NTM: variants seen among roughly 807,000 people sequenced by gnomAD.
NTM encodes IgLON family member 2.
NTM carries 13 observed loss-of-function variants against 42.1 expected under a neutral mutation model. That is an observed-to-expected ratio of 0.31 (90% CI 0.20 to 0.49). NTM has a LOEUF of 0.49. NTM is among the 20% of genes least tolerant of loss of function. The pLI is 0.99. For synonymous variants in NTM, 187 were observed against 179.2 expected (o/e 1.04, Z -0.35); for missense variants, 373 against 452.8 (o/e 0.82, Z 1.60).
intron 2 of NTM, among the ~76,000 whole-genome samples, chr11:132,010,090 T>G (rs2071776091): frequency 6.6e-6 from 1 of 152,222 alleles, no homozygotes; most frequent in African/African-American, 2.4e-5. Context: ...TTTTGGAATT[T>G]TTAGAAAATC....
At chr11:131,621,408 G>C (rs1051953347) in intron 1 of NTM, among the ~76,000 whole-genome samples, 2 of 152,090 alleles carry the variant, frequency 1.3e-5, no homozygotes. Flanking sequence ...AGAAAGCTTT[G>C]TCTGTATGCT....
intron 2 of NTM, among the ~76,000 whole-genome samples, chr11:132,089,582 A>G (rs2060149155): frequency 6.6e-6 from 1 of 152,364 alleles, no homozygotes. Context: ...GAATTTTTTC[A>G]TAACAAATTG....
chr11:131,439,414 G>C (rs73586786), intron 1 of NTM, among the ~76,000 whole-genome samples: 12,241 of 152,246 alleles, frequency 0.08, 1,874 homozygotes, highest in East Asian at 0.67. Context: ...ACCCACAAAG[G>C]TAGAGACTAC....
intron 2 of NTM, among the ~76,000 whole-genome samples, chr11:131,918,705 A>T (rs191442549): frequency 3.9e-5 from 6 of 152,158 alleles, no homozygotes; most frequent in Non-Finnish European, 1.5e-5. Context: ...AGACCCAGTG[A>T]GTTTGGTTGT....
At chr11:131,626,718 C>A (rs776113734) in intron 1 of NTM, among the ~76,000 whole-genome samples, 2 of 152,218 alleles carry the variant, frequency 1.3e-5, no homozygotes, top group Non-Finnish European at 2.9e-5. Flanking sequence ...GGCTCCTAGA[C>A]GATCTCTACT....
intron 8 of NTM, chr11:132,332,909 C>T (rs1017690968): frequency 6.6e-6 from 1 of 152,280 alleles, no homozygotes; most frequent in East Asian, 1.9e-4. Flanking sequence ...ACTTGTTTTC[C>T]ATCTCTTACC....
intron 1 of NTM, among the ~76,000 whole-genome samples, chr11:131,689,664 G>A (rs184598863): frequency 1.9e-4 from 29 of 152,290 alleles, no homozygotes; most frequent in African/African-American, 6.0e-4. Flanking sequence ...CTGAGAGGAC[G>A]GAAAACGGAA....
At chr11:132,198,717 A>G (rs1317682916) in intron 3 of NTM, among the ~76,000 whole-genome samples, 3 of 152,202 alleles carry the variant, frequency 2.0e-5, no homozygotes, top group Non-Finnish European at 4.4e-5. Flanking sequence ...ATATTAATCC[A>G]TTCAGATAGA....
chr11:132,070,721 A>G (rs1444065465), intron 2 of NTM, among the ~76,000 whole-genome samples: 2 of 145,510 alleles, frequency 1.4e-5, no homozygotes, highest in African/African-American at 5.0e-5. Flanking sequence ...TTAACACGTC[A>G]CACAGCCAAG....
chr11:131,678,846 G>T (rs879389673), intron 1 of NTM, among the ~76,000 whole-genome samples: 1 of 152,142 alleles, frequency 6.6e-6, no homozygotes, highest in Non-Finnish European at 1.5e-5. Flanking sequence ...AAGGCTGTCC[G>T]GGACGGGGCC....
intron 1 of NTM, among the ~76,000 whole-genome samples, chr11:131,518,801 A>T (rs573957106): frequency 6.6e-6 from 1 of 152,324 alleles, no homozygotes; most frequent in East Asian, 1.9e-4. Flanking sequence ...TATGGATTGC[A>T]TGCTACTAAA....
At chr11:131,383,236 T>G (rs1269818435) in intron 1 of NTM, among the ~76,000 whole-genome samples, 1 of 152,182 alleles carries the variant, frequency 6.6e-6, no homozygotes, top group Non-Finnish European at 1.5e-5. Flanking sequence ...CTTACTTACA[T>G]TTATATTTCA....
At chr11:131,808,005 C>T (rs185101979) in intron 1 of NTM, among the ~76,000 whole-genome samples, 147 of 152,180 alleles carry the variant, frequency 9.7e-4, no homozygotes, top group African/African-American at 3.4e-3. Flanking sequence ...GACGTCCTTC[C>T]TTGAATTTGA....
chr11:131,874,067 A>C (rs867066206), intron 1 of NTM, among the ~76,000 whole-genome samples: 6 of 66,494 alleles, frequency 9.0e-5, no homozygotes, highest in South Asian at 7.5e-4. Context: ...ATATATATAT[A>C]TCAGCAACAG....
chr11:131,500,573 ATATATTTTTTTTTTTT>A (rs1321573100), intron 1 of NTM, among the ~76,000 whole-genome samples: 4,165 of 39,750 alleles, frequency 0.1, 139 homozygotes, highest in Non-Finnish European at 0.15. Context: ...ATATATATAT[ATATATTTTTTTTTTTT>A]TTTTTTGTAT....
intron 4 of NTM, among the ~76,000 whole-genome samples, chr11:132,292,787 TAAAAA>T (rs61603794): frequency 7.1e-5 from 4 of 56,566 alleles, no homozygotes; most frequent in East Asian, 1.1e-3. Context: ...GATGTAAAAG[TAAAAA>T]AAAAAAAAAA....
At chr11:131,990,667 G>A (rs2066856594) in intron 2 of NTM, among the ~76,000 whole-genome samples, 1 of 152,118 alleles carries the variant, frequency 6.6e-6, no homozygotes, top group South Asian at 2.1e-4. Flanking sequence ...AACCTGAAGA[G>A]AGAAGAAAAA....
chr11:131,918,800 A>G (rs2056801792), intron 2 of NTM, among the ~76,000 whole-genome samples: 1 of 152,138 alleles, frequency 6.6e-6, no homozygotes. Flanking sequence ...CATGTCATCC[A>G]TGGCGTGGAG....
chr11:132,138,615 T>TGTC (rs1555280057), intron 2 of NTM, among the ~76,000 whole-genome samples: 2 of 110,006 alleles, frequency 1.8e-5, no homozygotes, highest in Non-Finnish European at 4.3e-5. Flanking sequence ...TCTATCTATC[T>TGTC]ATCTATTCTA....
Sources: allele counts gnomAD v4.1 joint callset (sites outside exome capture counted in the v4.1 genomes callset), GRCh38; gene constraint gnomAD v4.1.1; transcripts MANE v1.5; gene names NCBI Gene and HGNC (gene_info 2026-07-23, HGNC 2026-07-21).